ZFYVE16: variants seen among roughly 807,000 people sequenced by gnomAD.
ZFYVE16 encodes zinc finger FYVE-type containing 16.
A neutral mutation model predicts 138.1 loss-of-function variants in ZFYVE16; 89 were observed. The observed-to-expected ratio is 0.64, with a 90% CI of 0.54 to 0.77. The LOEUF (loss-of-function observed/expected upper bound fraction) is 0.77, where lower values mean the gene tolerates loss of function less well. ZFYVE16 is among the 30% of genes least tolerant of loss of function. ZFYVE16 has a pLI of 0.00. For missense variants in ZFYVE16, 1,793 were observed against 1,786.7 expected, an observed-to-expected ratio of 1.00 and a Z score of -0.06; for synonymous variants, 596 against 618.3, an observed-to-expected ratio of 0.96 and a Z score of 0.53.
intron 1 of ZFYVE16, among the ~76,000 whole-genome samples, chr5:80,427,025 C>T (rs2112271038): frequency 6.6e-6 from 1 of 151,586 alleles, no homozygotes; most frequent in Admixed American, 6.6e-5. Flanking sequence ...CTTTTATGTT[C>T]ATTGGCCATA....
At chr5:80,460,183 C>T (rs1206054984) in intron 15 of ZFYVE16, among the ~76,000 whole-genome samples, 1 of 152,058 alleles carries the variant, frequency 6.6e-6, no homozygotes, top group Non-Finnish European at 1.5e-5. Context: ...TTGTGTCAAT[C>T]CTGTAGGTAT....
At chr5:80,453,542 G>T (rs975435323) in intron 11 of ZFYVE16, among the ~76,000 whole-genome samples, 1 of 152,176 alleles carries the variant, frequency 6.6e-6, no homozygotes, top group African/African-American at 2.4e-5. Flanking sequence ...GACTGAAACT[G>T]CAAAGCTATG....
rs1749980246 is a variant in ZFYVE16 at position 80,436,803 on chromosome 5, C to T, written c.118C>T (p.His40Tyr). 1 of 1,614,042 alleles carries T rather than the reference C, an allele frequency of 6.2e-7. No individual in the cohort carries two copies. Residue 40 changes from histidine to tyrosine, a missense_variant, in exon 4 of 19, where the codon CAC (histidine) becomes TAC (tyrosine). This residue lies in a region of ZFYVE16 where 1,295 missense variants were observed against 1,204.3 expected (regional missense o/e 1.08). Transcript: ENST00000505560. ...QDVQNAYDSN[H>Y]CSVSSELASS... ...TGTACAAAATGCATATGATTCTAAC[C>T]ACTGCTCAGTTTCTTCAGAGTTGGC...
upstream of ZFYVE16, chr5:80,408,003 C>G (rs1392785357): frequency 6.6e-6 from 1 of 152,334 alleles, no homozygotes; most frequent in African/African-American, 2.4e-5. Context: ...GCGTCCTCTG[C>G]GCCTGCGCTC....
intron 1 of ZFYVE16, among the ~76,000 whole-genome samples, chr5:80,426,244 G>C (rs1477034342): frequency 9.2e-6 from 1 of 108,340 alleles, no homozygotes; most frequent in African/African-American, 3.6e-5. Context: ...GTGTGTGTCT[G>C]TGTGTGTGTG....
chr5:80,428,395 C>T (rs1305377399), intron 2 of ZFYVE16, among the ~76,000 whole-genome samples: 1 of 152,190 alleles, frequency 6.6e-6, no homozygotes, highest in Non-Finnish European at 1.5e-5. Flanking sequence ...AGCTGAGGGT[C>T]CTGACTGTTA....
At chr5:80,460,893 ACC>A (rs1753032526) in intron 15 of ZFYVE16, among the ~76,000 whole-genome samples, 1 of 152,216 alleles carries the variant, frequency 6.6e-6, no homozygotes, top group Non-Finnish European at 1.5e-5. Context: ...TGAAATCATC[ACC>A]CACCTTTGAC....
chr5:80,435,293 A>G (rs936529945), intron 3 of ZFYVE16, among the ~76,000 whole-genome samples: 1 of 152,004 alleles, frequency 6.6e-6, no homozygotes, highest in African/African-American at 2.4e-5. Flanking sequence ...TCAGCCTCCC[A>G]AAGTGCTGGG....
In ZFYVE16 at chr5:80,479,707, C is replaced by T. The variant is rs571607169; in HGVS notation, c.*2330C>T. On this transcript the variant is annotated 3_prime_UTR_variant, in exon 19 of 19. Transcript: ENST00000505560. ...GAGATTTTCCAGACAATAAGGAATG[C>T]CAAGTCCAAAAGTAAAGAGAATAAG... is the stretch of plus-strand genomic sequence containing the variant. Among the ~76,000 whole-genome samples, 6 of 152,156 alleles carry T rather than the reference C, an allele frequency of 3.9e-5. No individual in the cohort carries two copies. Among genetic ancestry groups the T allele is most frequent in the Admixed American group, 2.0e-4 (3 of 15,296 alleles).
intron 14 of ZFYVE16, 132 bp downstream of exon 14, chr5:80,457,224 C>A: frequency 7.7e-7 from 1 of 1,304,142 alleles, no homozygotes; most frequent in Non-Finnish European, 1.0e-6. Context: ...TTTGAAATTT[C>A]AGCTACACAA....
At chr5:80,462,399 C>G (rs1025041132) in intron 15 of ZFYVE16, among the ~76,000 whole-genome samples, 3 of 152,084 alleles carry the variant, frequency 2.0e-5, no homozygotes, top group Non-Finnish European at 2.9e-5. Flanking sequence ...GGGAAGAGCC[C>G]CTTATAAAAC....
chr5:80,431,790 A>G (rs997449210), intron 2 of ZFYVE16, among the ~76,000 whole-genome samples: 3 of 152,222 alleles, frequency 2.0e-5, no homozygotes, highest in Non-Finnish European at 2.9e-5. Flanking sequence ...CTTAAACACC[A>G]ATAACAGATA....
intron 15 of ZFYVE16, among the ~76,000 whole-genome samples, chr5:80,463,942 C>T (rs1753409952): frequency 6.6e-6 from 1 of 152,154 alleles, no homozygotes; most frequent in African/African-American, 2.4e-5. Context: ...CAACAAGTTC[C>T]TCATCTCCAT....
At chr5:80,465,550 C>T (rs546103516) in intron 15 of ZFYVE16, among the ~76,000 whole-genome samples, 6 of 151,526 alleles carry the variant, frequency 4.0e-5, no homozygotes, top group African/African-American at 1.5e-4. Context: ...GAACTACAGA[C>T]ATGTACCACC....
intron 6 of ZFYVE16, among the ~76,000 whole-genome samples, chr5:80,444,237 C>T (rs1052001408): frequency 4.0e-5 from 6 of 151,826 alleles, no homozygotes; most frequent in Non-Finnish European, 8.8e-5. Context: ...ATTATATGGT[C>T]GTATATTATA....
At chr5:80,459,526 G>T in intron 15 of ZFYVE16, 32 bp downstream of exon 15, 1 of 1,567,550 alleles carries the variant, frequency 6.4e-7, no homozygotes, top group Admixed American at 1.8e-5. Flanking sequence ...GTGTTTTAAT[G>T]TAGAGTTATT....
chr5:80,462,138 A>G (rs1753188308), intron 15 of ZFYVE16, among the ~76,000 whole-genome samples: 1 of 152,168 alleles, frequency 6.6e-6, no homozygotes, highest in Admixed American at 6.5e-5. Context: ...CTGTCCATAC[A>G]TTTGGATTTT....
intron 15 of ZFYVE16, among the ~76,000 whole-genome samples, chr5:80,459,937 A>C (rs1176411774): frequency 6.6e-6 from 1 of 152,172 alleles, no homozygotes; most frequent in South Asian, 2.1e-4. Flanking sequence ...CAATGTATTC[A>C]TCTCCTGATC....
chr5:80,475,375 T>A (rs993993621), intron 18 of ZFYVE16, among the ~76,000 whole-genome samples: 1 of 152,260 alleles, frequency 6.6e-6, no homozygotes, highest in African/African-American at 2.4e-5. Context: ...GTGTAACTGG[T>A]GGACTCTGGA....
Sources: gnomAD v4.1 joint callset for allele counts (sites outside exome capture counted in the v4.1 genomes callset) on GRCh38, gnomAD v4.1.1 for gene constraint, gnomAD v4.1.1 regional missense constraint, MANE v1.5 for transcripts, NCBI Gene and HGNC (gene_info 2026-07-23, HGNC 2026-07-21) for gene names.